NUP43: variants seen among roughly 807,000 people sequenced by gnomAD.
NUP43 encodes nucleoporin Nup43.
In NUP43, 32 loss-of-function variants were observed where a neutral mutation model predicts 47.3. That is an observed-to-expected ratio of 0.68 (90% confidence interval 0.51 to 0.91). The LOEUF (loss-of-function observed/expected upper bound fraction) is 0.91. NUP43 is among the 40% of genes least tolerant of loss of function. The pLI, the probability that NUP43 is intolerant of heterozygous loss-of-function variation, is 0.00. For missense variants in NUP43, 444 were observed against 453.9 expected (o/e 0.98, Z 0.20); for synonymous variants, 147 against 158.4 (o/e 0.93, Z 0.54).
intron 3 of NUP43, 31 bp from the exon 4 acceptor site, chr6:149,742,601 G>A (rs758762960): frequency 6.4e-7 from 1 of 1,567,222 alleles, no homozygotes; most frequent in Non-Finnish European, 8.8e-7. Context: ...TACTATTAAA[G>A]CAAAGTACTA....
chr6:149,729,182 G>T (rs1784917969), intron 7 of NUP43, among the ~76,000 whole-genome samples: 1 of 151,996 alleles, frequency 6.6e-6, no homozygotes, highest in Non-Finnish European at 1.5e-5. Flanking sequence ...GTAGACACAG[G>T]GTTTCACCAT....
rs2115172054 is a variant in NUP43, at chr6:149,746,401, A to C, written c.95T>G (p.Phe32Cys). Residue 32 changes from phenylalanine (F) to cysteine (C), a missense_variant, in exon 1 of 8, where the codon TTC becomes TGC. Transcript: ENST00000340413. ...CTCATTGTCCCAAGATCCTGTAGCG[A>C]ACGTCTCCGCGGTCTGTAAACTTCC... Reference protein sequence around the residue: ...PPGSLQTAETFATGSWDNEEN... With the variant: ...PPGSLQTAETCATGSWDNEEN... 2 of 1,614,148 alleles carry C rather than the reference A, an allele frequency of 1.2e-6. No individual in the cohort carries two copies. The highest frequency in any genetic ancestry group is 4.5e-5 in the East Asian group (2 of 44,880).
intron 4 of NUP43, among the ~76,000 whole-genome samples, chr6:149,739,152 A>G (rs547235153): frequency 2.5e-4 from 38 of 152,138 alleles, no homozygotes; most frequent in African/African-American, 7.7e-4. Flanking sequence ...CTAATTTTGT[A>G]TGTTTAGTAG....
intron 4 of NUP43, among the ~76,000 whole-genome samples, chr6:149,742,045 A>T (rs1478883984): frequency 2.0e-5 from 3 of 148,122 alleles, no homozygotes; most frequent in Admixed American, 6.7e-5. Context: ...TTTTTTTTTT[A>T]AACAGAGTTT....
At chr6:149,729,395 C>G (rs1784924462) in intron 7 of NUP43, 2 of 308,678 alleles carry the variant, frequency 6.5e-6, no homozygotes, top group African/African-American at 4.5e-5. Flanking sequence ...ATGGGCCTTG[C>G]CAATAGCAGG....
chr6:149,727,140 C>A lies in NUP43; in HGVS notation c.972G>T (p.Gln324His). The A allele has an allele frequency of 6.2e-7, 1 of 1,614,078 alleles. No homozygotes were observed. The highest frequency in any genetic ancestry group is 8.5e-7 in the Non-Finnish European group (1 of 1,180,016). Residue 324 changes from glutamine to histidine, a missense_variant, in exon 8 of 8, where the codon CAG becomes CAT. By Grantham distance (24) the Gln-to-His change is conservative (BLOSUM62 0). Coordinates refer to ENST00000340413, the MANE Select transcript of NUP43 (RefSeq NM_198887.3). The part of the protein sequence containing the change: ...HSISNQANVH[Q>H]SVISSWLSTD... ...TGCTGAGCCAGGAGCTAATGACAGA[C>A]TGGTGAACATTAGCTTGGTTACTAA...
chr6:149,728,347 G>A, intron 7 of NUP43: 1 of 985,024 alleles, frequency 1.0e-6, no homozygotes, highest in Non-Finnish European at 1.2e-6. Context: ...TGTGCGGTTA[G>A]GGGAGGAAGG....
chr6:149,728,459 C>T (rs36041750), intron 7 of NUP43: 54,527 of 984,370 alleles, frequency 0.055, 1,692 homozygotes, highest in Non-Finnish European at 0.062. Flanking sequence ...TCCACACATG[C>T]TCTCCGCTCC....
intron 6 of NUP43, among the ~76,000 whole-genome samples, chr6:149,732,606 G>A (rs985298247): frequency 6.6e-6 from 1 of 152,000 alleles, no homozygotes; most frequent in African/African-American, 2.4e-5. Flanking sequence ...ACCACTTTGG[G>A]AGGCCGAGGT....
At chr6:149,744,385 G>C (rs183759289) in intron 2 of NUP43, among the ~76,000 whole-genome samples, 54 of 150,868 alleles carry the variant, frequency 3.6e-4, no homozygotes, top group African/African-American at 1.3e-3. Flanking sequence ...TTAGCTGGGC[G>C]TGCTGGCATG....
In NUP43 at chr6:149,742,521, G is replaced by A. The variant is rs762555798; in HGVS notation, c.371C>T (p.Pro124Leu). ...TGCACTGCTATAGGAAGGACTGCCA[G>A]GGCCTGTGTGGTAGTGAGCTGTAGT... ...QWTTAHYHTGPGSPSYSSAPC... is the reference protein window; with the variant it reads ...QWTTAHYHTGLGSPSYSSAPC... The change falls in exon 4 of 8, where the codon CCT becomes CTT. Residue 124 changes from proline to leucine, a missense_variant. By Grantham distance (98) the Pro-to-Leu change is moderately conservative. Transcript: ENST00000340413. 1 of 1,614,160 alleles carries A rather than the reference G, an allele frequency of 6.2e-7. No individual in the cohort carries two copies. Among genetic ancestry groups the A allele is most frequent in the South Asian group, 1.1e-5 (1 of 91,082 alleles).
At chr6:149,748,920 T>A (rs546733546), upstream of NUP43, among the ~76,000 whole-genome samples, 12 of 151,826 alleles carry the variant, frequency 7.9e-5, no homozygotes, top group Admixed American at 3.3e-4. Flanking sequence ...AGCAATGTTC[T>A]CAGTGAGCTT....
chr6:149,725,570 C>G lies in NUP43; in HGVS notation c.*1399G>C, dbSNP rs1298748398. The G allele has an allele frequency of 6.6e-6, 1 of 151,990 alleles. No individual in the cohort carries two copies. The highest frequency in any genetic ancestry group is 6.6e-5 in the Admixed American group (1 of 15,230). 9.4% of individuals were successfully genotyped at this position (151,990 alleles called of 1,614,324 possible). On this transcript the variant is annotated 3_prime_UTR_variant, in exon 8 of 8. Coordinates refer to ENST00000340413, the MANE Select transcript of NUP43 (RefSeq NM_198887.3). ...TGCCATTTCACTCCAGCCTCAGCAA[C>G]AAGAGCAAAACTCCATCTCAAAAAA... is the stretch of plus-strand genomic sequence containing the variant.
intron 5 of NUP43, among the ~76,000 whole-genome samples, chr6:149,737,743 C>G (rs892856339): frequency 6.6e-6 from 1 of 151,972 alleles, no homozygotes; most frequent in Non-Finnish European, 1.5e-5. Flanking sequence ...GCAAACTCTG[C>G]CTCCCAGGTT....
chr6:149,733,886 G>A (rs1785185875), intron 6 of NUP43, among the ~76,000 whole-genome samples: 1 of 151,592 alleles, frequency 6.6e-6, no homozygotes, highest in South Asian at 2.1e-4. Context: ...GTGCAATGGT[G>A]CGATCTTGGC....
chr6:149,735,811 C>T (rs987307063), intron 6 of NUP43, among the ~76,000 whole-genome samples: 11 of 147,508 alleles, frequency 7.5e-5, no homozygotes, highest in South Asian at 2.1e-4. Context: ...AAAAAACAAA[C>T]AACAACAAAA....
At position 149,736,645 on chromosome 6, in the gene NUP43, C is replaced by T. The variant is rs202056067; in HGVS notation, c.639-23G>A. On this transcript the variant is annotated intron_variant, in intron 5 of 7. Transcript: ENST00000340413. Reference sequence around the variant, plus strand: ...GTCCTTTTGTGGGAGATAACAATGACGTCAAAATCAAATAAAGTATAATTT... The same window carrying T: ...GTCCTTTTGTGGGAGATAACAATGATGTCAAAATCAAATAAAGTATAATTT... 752 of 1,548,198 alleles carry T rather than the reference C, an allele frequency of 4.9e-4. 2 individuals carry two copies. The Middle Eastern group carries it at 9.1e-3, about 19-fold the overall frequency.
intron 2 of NUP43, among the ~76,000 whole-genome samples, chr6:149,745,336 G>A (rs1016955773): frequency 6.6e-6 from 1 of 151,340 alleles, no homozygotes; most frequent in Non-Finnish European, 1.5e-5. Context: ...GGAAGCGGAG[G>A]TTGTAGTGAG....
chr6:149,745,845 A>T, intron 2 of NUP43, 95 bp downstream of exon 2: 1 of 1,086,760 alleles, frequency 9.2e-7, no homozygotes, highest in East Asian at 2.5e-5. Flanking sequence ...TCTGTAAACG[A>T]GGGGTGACAC....
Sources: allele counts gnomAD v4.1 joint callset (sites outside exome capture counted in the v4.1 genomes callset), GRCh38; gene constraint gnomAD v4.1.1; transcripts MANE v1.5; gene names NCBI Gene and HGNC (gene_info 2026-07-23, HGNC 2026-07-21).